DSCAML1: variants seen among roughly 807,000 people sequenced by gnomAD.
The protein encoded by DSCAML1 is DS cell adhesion molecule like 1, also known as cell adhesion molecule DSCAML1.
A neutral mutation model predicts 200.5 loss-of-function variants in DSCAML1; 38 were observed. That is an observed-to-expected ratio of 0.19 (90% CI 0.15 to 0.25). DSCAML1 has a LOEUF of 0.25. Among genes scored for constraint, DSCAML1 ranks in the 10% least tolerant of loss-of-function variants. The pLI is 1.00. For synonymous variants in DSCAML1, 1,215 were observed against 1,165.0 expected, an observed-to-expected ratio of 1.04 and a Z score of -0.87; for missense variants, 2,223 against 2,858.8, an observed-to-expected ratio of 0.78 and a Z score of 5.07.
In DSCAML1 at chr11:117,505,666, C is replaced by G; in HGVS notation, c.1850G>C (p.Cys617Ser). Residue 617 changes from cysteine to serine, a missense_variant, in exon 9 of 33, where the codon TGT (cysteine) becomes TCT (serine). Cys to Ser is a moderately radical substitution (Grantham distance 112). This residue lies in a region of DSCAML1 where 212 missense variants were observed against 368.0 expected (regional missense o/e 0.58). Transcript: ENST00000651296. The surrounding 1 kb of genome is among the most constrained non-coding windows in gnomAD (Gnocchi z 6.7). Reference sequence around the variant, plus strand: ...GGGCATGTCCCCCGAGGACACCACACAGGGAATGTAGAGCAGCTGGCCGAT... The same window carrying G: ...GGGCATGTCCCCCGAGGACACCACAGAGGGAATGTAGAGCAGCTGGCCGAT... ...ASIGQLLYIP[C>S]VVSSGDMPIR... 6.2e-7 allele frequency: 1 copy of G among 1,613,966 alleles called. No homozygotes were observed. Among genetic ancestry groups the G allele is most frequent in the Non-Finnish European group, 8.5e-7 (1 of 1,180,022 alleles).
intron 1 of DSCAML1, among the ~76,000 whole-genome samples, chr11:117,788,834 G>A (rs1003046920): frequency 1.3e-5 from 2 of 152,176 alleles, no homozygotes; most frequent in African/African-American, 4.8e-5. Context: ...ACATCTTTAT[G>A]CCAGGATGTG....
chr11:117,484,517 C>T (rs1057361844), intron 11 of DSCAML1, among the ~76,000 whole-genome samples: 5 of 152,166 alleles, frequency 3.3e-5, no homozygotes, highest in African/African-American at 1.2e-4. Flanking sequence ...CAATAAAATG[C>T]AAAAGACAAA....
chr11:117,470,493 T>C (rs12575215), intron 15 of DSCAML1, among the ~76,000 whole-genome samples: 13,348 of 152,292 alleles, frequency 0.088, 750 homozygotes, highest in East Asian at 0.27. Flanking sequence ...GAGAATGGCA[T>C]GAACCCAGGG....
intron 3 of DSCAML1, among the ~76,000 whole-genome samples, chr11:117,547,398 G>C (rs1384876911): frequency 6.6e-6 from 1 of 152,174 alleles, no homozygotes; most frequent in Non-Finnish European, 1.5e-5. Flanking sequence ...TGGGCCTTGG[G>C]GAGGAGGATG....
chr11:117,461,341 C>G (rs891560312), intron 18 of DSCAML1, 109 bp downstream of exon 18: 3 of 1,510,924 alleles, frequency 2.0e-6, no homozygotes, highest in Non-Finnish European at 2.7e-6. Context: ...GGCTGCACTT[C>G]CTCTTGCCAA....
intron 3 of DSCAML1, among the ~76,000 whole-genome samples, chr11:117,541,442 C>T (rs1164955272): frequency 1.3e-5 from 2 of 152,232 alleles, no homozygotes; most frequent in South Asian, 2.1e-4. Context: ...TGAATCCTGG[C>T]AGTGGAGGAG....
At chr11:117,494,508 G>C (rs113666827) in intron 11 of DSCAML1, among the ~76,000 whole-genome samples, 89 of 152,346 alleles carry the variant, frequency 5.8e-4, no homozygotes, top group African/African-American at 2.0e-3. Context: ...AGGATGCAGG[G>C]AGGGAGAGCA....
chr11:117,625,342 T>C (rs2052021724), intron 3 of DSCAML1, among the ~76,000 whole-genome samples: 2 of 150,432 alleles, frequency 1.3e-5, no homozygotes, highest in African/African-American at 4.8e-5. Flanking sequence ...CAATGAGAGA[T>C]AAGGCTTAAA....
intron 3 of DSCAML1, among the ~76,000 whole-genome samples, chr11:117,716,151 G>T (rs2053948048): frequency 6.6e-6 from 1 of 152,244 alleles, no homozygotes; most frequent in African/African-American, 2.4e-5. Flanking sequence ...GGTAGCAAAG[G>T]CCAGGGTTGC....
intron 19 of DSCAML1, among the ~76,000 whole-genome samples, chr11:117,453,342 G>T (rs1215671617): frequency 6.6e-6 from 1 of 152,148 alleles, no homozygotes; most frequent in East Asian, 1.9e-4. Context: ...TAATTGCTCT[G>T]CCTTTACTCG....
At chr11:117,465,206 G>GC in intron 16 of DSCAML1, 24 bp from the exon 17 acceptor site, 1 of 1,566,154 alleles carries the variant, frequency 6.4e-7, no homozygotes, top group Non-Finnish European at 8.8e-7. Context: ...GTGGGGGTGG[G>GC]CACAAAGAAA....
chr11:117,691,490 C>T (rs187337765), intron 3 of DSCAML1, among the ~76,000 whole-genome samples: 30 of 152,196 alleles, frequency 2.0e-4, no homozygotes, highest in Admixed American at 3.3e-4. Context: ...ATTGGAGGAC[C>T]GCTTGTTGCA....
intron 3 of DSCAML1, among the ~76,000 whole-genome samples, chr11:117,537,441 G>A (rs473343): frequency 2.6e-5 from 4 of 152,028 alleles, no homozygotes; most frequent in African/African-American, 9.7e-5. Flanking sequence ...CTGTACAAAG[G>A]GGGGCTGGGC....
At chr11:117,674,554 T>C (rs905651693) in intron 3 of DSCAML1, among the ~76,000 whole-genome samples, 1 of 152,138 alleles carries the variant, frequency 6.6e-6, no homozygotes, top group African/African-American at 2.4e-5. Flanking sequence ...TCACTGGATA[T>C]TGATGGGATA....
rs557205505 is a variant in DSCAML1 at position 117,649,041 on chromosome 11, A to G, written c.512-116519T>C. Among the ~76,000 whole-genome samples, 421 of 137,924 alleles carry G rather than the reference A, an allele frequency of 3.1e-3. 4 individuals carry two copies. The highest frequency in any genetic ancestry group is 0.011 in the African/African-American group (396 of 34,972). The allele number at this position is 137,924 out of a possible 152,430, so 90.5% of individuals were successfully genotyped here. A position where few individuals can be genotyped will look rare whatever the true frequency, so the allele number is the denominator to read the frequency against. Reference sequence around the variant, plus strand: ...TCTCGCTCTCTCTCTCTCCATATATATGTGTGTGTGTGTGTGTGTGTGTGT... The same window carrying G: ...TCTCGCTCTCTCTCTCTCCATATATGTGTGTGTGTGTGTGTGTGTGTGTGT... On this transcript the variant is annotated intron_variant, in intron 3 of 32. Transcript: ENST00000651296.
upstream of DSCAML1, among the ~76,000 whole-genome samples, chr11:117,800,117 T>C (rs1167686067): frequency 1.3e-5 from 2 of 152,324 alleles, no homozygotes; most frequent in South Asian, 2.1e-4. Context: ...GTGTTTCCCA[T>C]TGATTTTGTT....
intron 1 of DSCAML1, among the ~76,000 whole-genome samples, chr11:117,787,509 TA>T: frequency 6.6e-6 from 1 of 152,194 alleles, no homozygotes; most frequent in East Asian, 1.9e-4. Flanking sequence ...GAGCCTTAGA[TA>T]ACAGATTCAC....
chr11:117,729,659 G>C (rs1436861663), intron 3 of DSCAML1, among the ~76,000 whole-genome samples: 1 of 152,168 alleles, frequency 6.6e-6, no homozygotes, highest in Non-Finnish European at 1.5e-5. Context: ...CACCTGAAAA[G>C]ATGCTCAACA....
chr11:117,551,836 C>T (rs929231976), intron 3 of DSCAML1, among the ~76,000 whole-genome samples: 8 of 151,794 alleles, frequency 5.3e-5, no homozygotes, highest in Non-Finnish European at 1.2e-4. Flanking sequence ...CATTAAAGAG[C>T]GAGGAGAAAT....
Sources: allele counts gnomAD v4.1 joint callset (sites outside exome capture counted in the v4.1 genomes callset), GRCh38; gene constraint gnomAD v4.1.1; regional missense constraint gnomAD v4.1.1; non-coding constraint Gnocchi (gnomAD v3.1); transcripts MANE v1.5; gene names NCBI Gene and HGNC (gene_info 2026-07-23, HGNC 2026-07-21).